The following TTC17 variants were observed in gnomAD, a reference collection of about 807,000 sequenced individuals.
The protein encoded by TTC17 is tetratricopeptide repeat domain 17, also known as tetratricopeptide repeat protein 17.
A neutral mutation model predicts 143.8 loss-of-function variants in TTC17; 58 were observed. The ratio of observed to expected loss-of-function variants is 0.40; its 90% CI spans 0.33 to 0.50. TTC17 has a LOEUF of 0.50. Ranked by LOEUF, TTC17 falls within the 20% of genes least tolerant of loss-of-function variation. TTC17 has a pLI of 0.49. For synonymous variants in TTC17, 501 were observed against 497.8 expected (o/e 1.01, Z -0.09); for missense variants, 1,273 against 1,392.5 (o/e 0.91, Z 1.37).
chr11:43,407,783 CAGTTA>C (rs1487305191), intron 15 of TTC17, among the ~76,000 whole-genome samples: 6 of 150,954 alleles, frequency 4.0e-5, no homozygotes, highest in African/African-American at 9.7e-5. Flanking sequence ...TATAATTACA[CAGTTA>C]AGTTTTTTTT....
intron 2 of TTC17, among the ~76,000 whole-genome samples, chr11:43,383,471 G>C (rs1590332004): frequency 1.3e-5 from 2 of 152,032 alleles, no homozygotes; most frequent in East Asian, 3.9e-4. Context: ...TCCTGCCTCA[G>C]CCTCCCGAGT....
At chr11:43,476,710 G>A (rs1288872400) in intron 21 of TTC17, among the ~76,000 whole-genome samples, 4 of 152,202 alleles carry the variant, frequency 2.6e-5, no homozygotes, top group East Asian at 1.9e-4. Flanking sequence ...CACGCAGCAC[G>A]GGGACCCTGG....
chr11:43,426,176 C>G (rs149827102), intron 16 of TTC17, among the ~76,000 whole-genome samples: 1 of 152,274 alleles, frequency 6.6e-6, no homozygotes, highest in East Asian at 1.9e-4. Context: ...TAGAGAAAAA[C>G]CTAATATGAA....
At chr11:43,429,902 A>C (rs759331305) in intron 16 of TTC17, among the ~76,000 whole-genome samples, 1 of 152,216 alleles carries the variant, frequency 6.6e-6, no homozygotes, top group Non-Finnish European at 1.5e-5. Context: ...AGAGTATAAT[A>C]TAAGCCTGTT....
chr11:43,478,576 C>T (rs1273213878), intron 21 of TTC17, among the ~76,000 whole-genome samples: 1 of 152,020 alleles, frequency 6.6e-6, no homozygotes, highest in African/African-American at 2.4e-5. Flanking sequence ...GAATGATGAG[C>T]ACATGAGGGT....
At position 43,443,512 on chromosome 11, in the gene TTC17, T is replaced by A. The variant is rs1947470534; in HGVS notation, c.2439T>A (p.Gly813=). Reference sequence around the variant, plus strand: ...AAGGAATACGGGTGCTGAAGAAAGGTCCCCAGGATGGAGTGGCCAGAAGCT... The same window carrying A: ...AAGGAATACGGGTGCTGAAGAAAGGACCCCAGGATGGAGTGGCCAGAAGCT... ...DLQGIRVLKK[G]PQDGVARSSC... Residue 813 remains glycine, a synonymous_variant, in exon 17 of 24, where the codon GGT becomes GGA. Coordinates refer to ENST00000039989, the MANE Select transcript of TTC17 (RefSeq NM_018259.6). 6.2e-7 allele frequency: 1 copy of A among 1,613,868 alleles called. No homozygotes were observed. Among genetic ancestry groups the A allele is most frequent in the South Asian group, 1.1e-5 (1 of 91,074 alleles).
chr11:43,430,711 A>G (rs201408252), intron 16 of TTC17, among the ~76,000 whole-genome samples: 1,961 of 104,048 alleles, frequency 0.019, 38 homozygotes, highest in African/African-American at 0.058. Context: ...ACATACACGC[A>G]CACACACACA....
Position 43,414,720 on chromosome 11 carries a change from T to G in TTC17, c.2195T>G (p.Ile732Ser). The G allele has an allele frequency of 6.2e-7, 1 of 1,613,810 alleles. No homozygotes were observed. The highest frequency in any genetic ancestry group is 8.5e-7 in the Non-Finnish European group (1 of 1,179,796). The change falls in exon 16 of 24, where the codon ATC (isoleucine) becomes AGC (serine). Residue 732 changes from isoleucine (I) to serine (S), a missense_variant. Ile to Ser is a moderately radical substitution (Grantham distance 142). This residue lies in a region of TTC17 where 878 missense variants were observed against 899.8 expected (regional missense o/e 0.98). Transcript: ENST00000039989. ...GAGTGTGAAAACAGCCTGAAGTTGATCCGCTGTATGCAGTTTTATCCTTTT... is the reference window on the plus strand; with the variant it reads ...GAGTGTGAAAACAGCCTGAAGTTGAGCCGCTGTATGCAGTTTTATCCTTTT... ...CPECENSLKL[I>S]RCMQFYPFLY...
At chr11:43,469,486 A>C (rs758649570) in intron 21 of TTC17, among the ~76,000 whole-genome samples, 3 of 152,240 alleles carry the variant, frequency 2.0e-5, no homozygotes, top group Non-Finnish European at 2.9e-5. Context: ...CAATAGAAGA[A>C]TAGGTAAACA....
chr11:43,416,203 C>T (rs757683036), intron 16 of TTC17, among the ~76,000 whole-genome samples: 48 of 152,056 alleles, frequency 3.2e-4, no homozygotes, highest in Non-Finnish European at 5.6e-4. Flanking sequence ...TGCATCTTCT[C>T]GCAACACTGT....
At chr11:43,420,763 A>AT (rs1565157112) in intron 16 of TTC17, among the ~76,000 whole-genome samples, 1 of 152,116 alleles carries the variant, frequency 6.6e-6, no homozygotes, top group African/African-American at 2.4e-5. Flanking sequence ...TTTAATGTGA[A>AT]TTTTTTGTCC....
chr11:43,377,717 G>A (rs1856815012), intron 1 of TTC17, among the ~76,000 whole-genome samples: 1 of 152,056 alleles, frequency 6.6e-6, no homozygotes, highest in Admixed American at 6.5e-5. Flanking sequence ...ACAATTGAAT[G>A]TTGACCAGAT....
intron 11 of TTC17, among the ~76,000 whole-genome samples, chr11:43,404,713 G>T (rs1858031749): frequency 6.6e-6 from 1 of 152,034 alleles, no homozygotes; most frequent in Non-Finnish European, 1.5e-5. Context: ...TTAATCAAGG[G>T]TTTAACAGAA....
chr11:43,436,039 G>T (rs1255507859), intron 16 of TTC17: 4 of 790,982 alleles, frequency 5.1e-6, no homozygotes, highest in Non-Finnish European at 5.1e-6. Flanking sequence ...TGATTTTTGT[G>T]TGTTCTGCTG....
intron 18 of TTC17, chr11:43,446,782 C>A: frequency 1.6e-6 from 1 of 612,938 alleles, no homozygotes; most frequent in Non-Finnish European, 2.0e-6. Flanking sequence ...CCAGACAAGA[C>A]AGTTCTGCTC....
At chr11:43,416,014 A>T (rs939343485) in intron 16 of TTC17, among the ~76,000 whole-genome samples, 6 of 152,084 alleles carry the variant, frequency 3.9e-5, no homozygotes, top group Admixed American at 3.9e-4. Context: ...ATATTTATGG[A>T]TACATAATAG....
intron 22 of TTC17, chr11:43,491,814 G>A (rs1397047261): frequency 2.0e-5 from 12 of 605,416 alleles, no homozygotes; most frequent in Middle Eastern, 2.8e-4. Context: ...GCAAGACTTC[G>A]CCAATGAAAG....
intron 16 of TTC17, among the ~76,000 whole-genome samples, chr11:43,415,122 C>G (rs1244984057): frequency 6.6e-6 from 1 of 152,100 alleles, no homozygotes; most frequent in Non-Finnish European, 1.5e-5. Flanking sequence ...TCCATGAAGT[C>G]AAAGTATACA....
chr11:43,452,206 T>C (rs1947671393), intron 21 of TTC17, among the ~76,000 whole-genome samples: 1 of 151,926 alleles, frequency 6.6e-6, no homozygotes, highest in Non-Finnish European at 1.5e-5. Flanking sequence ...GATACAAAAA[T>C]AAAAGAAAAC....
Sources: allele counts gnomAD v4.1 joint callset (sites outside exome capture counted in the v4.1 genomes callset), GRCh38; gene constraint gnomAD v4.1.1; regional missense constraint gnomAD v4.1.1; transcripts MANE v1.5; gene names NCBI Gene and HGNC (gene_info 2026-07-23, HGNC 2026-07-21).